ANKRD36C: variants seen among roughly 807,000 people sequenced by gnomAD.
ANKRD36C encodes the protein ankyrin repeat domain-containing protein 36C.
Under a neutral mutation model 276.4 loss-of-function variants are expected in ANKRD36C, and 61 were observed. The observed-to-expected ratio is 0.22, with a 90% CI of 0.18 to 0.27. The LOEUF (loss-of-function observed/expected upper bound fraction) is 0.27, where lower values mean the gene tolerates loss of function less well. ANKRD36C is among the 10% of genes least tolerant of loss of function. ANKRD36C has a pLI of 1.00. For synonymous variants in ANKRD36C, 483 were observed against 680.1 expected, an observed-to-expected ratio of 0.71 and a Z score of 4.51; for missense variants, 1,447 against 2,032.3, an observed-to-expected ratio of 0.71 and a Z score of 5.54.
chr2:95,913,579 T>G (rs562681777), intron 40 of ANKRD36C, among the ~76,000 whole-genome samples: 1 of 151,486 alleles, frequency 6.6e-6, no homozygotes, highest in South Asian at 2.1e-4. Flanking sequence ...TGAAGTGAGT[T>G]CACTCAGGTT....
In ANKRD36C at chr2:95,928,993, C is replaced by T. The variant is rs1677487915; in HGVS notation, c.1837+79G>A. ...TCAGAACATGCAGCTTAGACGAACT[C>T]CCCACTGATTTATTTGGGGAAGGGA... On this transcript the variant is annotated intron_variant, in intron 26 of 66. Coordinates refer to ENST00000456556, the Ensembl canonical transcript of ANKRD36C. The T allele has an allele frequency of 5.0e-6, 8 of 1,587,912 alleles. No individual in the cohort carries two copies. In the South Asian group the frequency reaches 6.7e-5, roughly 13 times the overall value.
At chr2:95,908,013 C>T (rs1217637083) in intron 42 of ANKRD36C, among the ~76,000 whole-genome samples, 1 of 150,754 alleles carries the variant, frequency 6.6e-6, no homozygotes, top group Non-Finnish European at 1.5e-5. Context: ...ATATAAATGA[C>T]TTCCTCTTTT....
In ANKRD36C at chr2:95,903,097, G is replaced by A; in HGVS notation, c.2654-3761C>T. 6.4e-7 allele frequency: 1 copy of A among 1,560,258 alleles called. No individual in the cohort carries two copies. The highest frequency in any genetic ancestry group is 1.2e-5 in the South Asian group (1 of 85,654). ...TCTGAAGACACTGAAAAGTAAAAGG[G>A]ATTCATAATCACTCATATGTAAAAA... On this transcript the variant is annotated intron_variant, in intron 42 of 66. Coordinates refer to ENST00000456556, the Ensembl canonical transcript of ANKRD36C.
At chr2:95,870,053 C>T (rs1457616893) in intron 59 of ANKRD36C, among the ~76,000 whole-genome samples, 1 of 152,262 alleles carries the variant, frequency 6.6e-6, no homozygotes, top group Non-Finnish European at 1.5e-5. Context: ...AGGAGGCCTG[C>T]CTGCCTCTGT....
intron 48 of ANKRD36C, 88 bp downstream of exon 68, chr2:95,889,711 T>A: frequency 6.8e-7 from 1 of 1,479,148 alleles, no homozygotes; most frequent in Admixed American, 2.0e-5. Context: ...ACATGAAGAT[T>A]TGACGAACCC....
At chr2:95,930,329 T>C (rs1677530797) in intron 24 of ANKRD36C, among the ~76,000 whole-genome samples, 1 of 151,512 alleles carries the variant, frequency 6.6e-6, no homozygotes, top group Non-Finnish European at 1.5e-5. Flanking sequence ...TATCACTCTT[T>C]CCTGCTTCCA....
intron 8 of ANKRD36C, among the ~76,000 whole-genome samples, chr2:95,961,683 A>G (rs374702330): frequency 2.7e-4 from 41 of 152,176 alleles, no homozygotes; most frequent in Non-Finnish European, 5.6e-4. Flanking sequence ...CTGATGCCCA[A>G]TAGTTACAAA....
chr2:95,887,806 G>A, intron 50 of ANKRD36C, 119 bp downstream of exon 70: 3 of 1,261,508 alleles, frequency 2.4e-6, no homozygotes, highest in Non-Finnish European at 2.2e-6. Flanking sequence ...AATGAAGAAT[G>A]TCAGGCCTGC....
intron 46 of ANKRD36C, among the ~76,000 whole-genome samples, 152 bp from the exon 67 acceptor site, chr2:95,890,146 C>T (rs1414572298): frequency 5.3e-5 from 8 of 151,364 alleles, no homozygotes; most frequent in Admixed American, 6.6e-5. Flanking sequence ...AAGAACATGA[C>T]AGAAGTACAC....
intron 3 of ANKRD36C, among the ~76,000 whole-genome samples, chr2:95,983,572 A>C (rs1183405092): frequency 1.3e-5 from 2 of 151,416 alleles, no homozygotes; most frequent in African/African-American, 4.8e-5. Context: ...AAAGCCACTA[A>C]ATTATTTGCA....
chr2:95,855,489 A>G (rs769755748), exon 63 of ANKRD36C: 5 of 1,611,716 alleles, frequency 3.1e-6, no homozygotes, highest in African/African-American at 1.3e-5. Context: ...TTGAAGCAAC[A>G]TATTTTGTTT....
chr2:95,893,152 C>G (rs1232929180), intron 44 of ANKRD36C, among the ~76,000 whole-genome samples: 15 of 151,372 alleles, frequency 9.9e-5, no homozygotes, highest in Non-Finnish European at 5.9e-5. Context: ...CGGGTTATTA[C>G]AAGTTTTCTG....
chr2:95,918,092 T>G (rs1677157772), intron 34 of ANKRD36C, 50 bp from the exon 37 acceptor site: 1 of 1,583,764 alleles, frequency 6.3e-7, no homozygotes, highest in Admixed American at 1.8e-5. Context: ...TATGATAAAG[T>G]TATCCATACA....
chr2:95,862,998 T>C (rs1170779985), intron 60 of ANKRD36C, among the ~76,000 whole-genome samples: 2 of 151,804 alleles, frequency 1.3e-5, no homozygotes, highest in Non-Finnish European at 2.9e-5. Flanking sequence ...AACCAGTCTA[T>C]GGTATTTTGT....
intron 16 of ANKRD36C, among the ~76,000 whole-genome samples, chr2:95,949,790 G>A (rs921971815): frequency 6.6e-6 from 1 of 152,294 alleles, no homozygotes; most frequent in Non-Finnish European, 1.5e-5. Context: ...TTCAAGTATA[G>A]AAGATATTTT....
chr2:95,943,927 G>A (rs1032418727), intron 19 of ANKRD36C, among the ~76,000 whole-genome samples: 10 of 152,230 alleles, frequency 6.6e-5, no homozygotes, highest in Admixed American at 2.0e-4. Context: ...GGGTAACAGA[G>A]ATACACATTA....
rs1362276345 is a variant in ANKRD36C at position 95,891,640 on chromosome 2, A to T, written c.2857+25T>A. The T allele has an allele frequency of 1.9e-6, 3 of 1,544,462 alleles. No homozygotes were observed. The Admixed American group carries it at 5.8e-5, about 30-fold the overall frequency. On this transcript the variant is annotated intron_variant, in intron 46 of 66. Coordinates refer to ENST00000456556, the Ensembl canonical transcript of ANKRD36C. ...TTCTTATCTATCTGCACTGAACATGACATTAAATCTCTTTTCAAAATTACC... is the reference window on the plus strand; with the variant it reads ...TTCTTATCTATCTGCACTGAACATGTCATTAAATCTCTTTTCAAAATTACC...
intron 6 of ANKRD36C, among the ~76,000 whole-genome samples, chr2:95,964,112 T>C (rs1678537311): frequency 6.9e-6 from 1 of 145,010 alleles, no homozygotes. Context: ...TAGTTTGATA[T>C]AATATACCAT....
At chr2:95,956,966 A>G (rs532863708) in intron 12 of ANKRD36C, 150 bp from the exon 13 acceptor site, 24 of 696,728 alleles carry the variant, frequency 3.4e-5, no homozygotes, top group African/African-American at 3.4e-4. Context: ...CAGGCAATTC[A>G]GACCAGCTTG....
Sources: allele counts gnomAD v4.1 joint callset (sites outside exome capture counted in the v4.1 genomes callset), GRCh38; gene constraint gnomAD v4.1.1; transcripts MANE v1.5; gene names NCBI Gene and HGNC (gene_info 2026-07-23, HGNC 2026-07-21).